The following SLC7A14 variants were observed in gnomAD, a reference collection of about 807,000 sequenced individuals.
SLC7A14 encodes solute carrier family 7 member 14.
SLC7A14 carries 37 observed loss-of-function variants against 60.2 expected under a neutral mutation model. The ratio of observed to expected loss-of-function variants is 0.61; its 90% confidence interval spans 0.47 to 0.81. The LOEUF (loss-of-function observed/expected upper bound fraction) is 0.81, where lower values mean the gene tolerates loss of function less well. SLC7A14 is among the 30% of genes least tolerant of loss of function. The probability of loss-of-function intolerance (pLI) is 0.00; values close to 1 mark genes in which losing one functional copy is unlikely to be tolerated. For missense variants in SLC7A14, 886 were observed against 982.7 expected (o/e 0.90, Z 1.32); for synonymous variants, 399 against 395.8 (o/e 1.01, Z -0.10).
chr3:170,468,014 C>G (rs1165705482), intron 7 of SLC7A14, among the ~76,000 whole-genome samples: 2 of 152,306 alleles, frequency 1.3e-5, no homozygotes, highest in Non-Finnish European at 2.9e-5. Flanking sequence ...CTCAGAGTGT[C>G]TAGTGCATGC....
chr3:170,581,838 T>C (rs560612456), intron 1 of SLC7A14, among the ~76,000 whole-genome samples: 2 of 152,332 alleles, frequency 1.3e-5, no homozygotes, highest in Non-Finnish European at 2.9e-5. Context: ...GGCCTCATAA[T>C]GTCACCAAGT....
At chr3:170,539,144 C>A (rs1234781978) in intron 1 of SLC7A14, among the ~76,000 whole-genome samples, 3 of 126,284 alleles carry the variant, frequency 2.4e-5, no homozygotes, top group African/African-American at 1.0e-4. Context: ...ATGTCTACTT[C>A]ATCTCCGAGT....
chr3:170,471,682 C>T (rs1739914414), intron 7 of SLC7A14, among the ~76,000 whole-genome samples: 1 of 152,150 alleles, frequency 6.6e-6, no homozygotes, highest in Admixed American at 6.5e-5. Context: ...GGAACGGCAT[C>T]ATATACTTTT....
At chr3:170,524,151 T>A (rs974975527) in intron 2 of SLC7A14, among the ~76,000 whole-genome samples, 3 of 152,182 alleles carry the variant, frequency 2.0e-5, no homozygotes, top group African/African-American at 7.2e-5. Flanking sequence ...GGTGGCCTAG[T>A]GATGTGCTGG....
Position 170,534,892 on chromosome 3 carries a change from G to A in SLC7A14, c.-152-7804C>T, listed in dbSNP as rs540581728. ...CTGTTTGTCAACACTCCAGAGTTGC[G>A]AATACTCTCTGTGTATATATTTGTT... On this transcript the variant is annotated intron_variant, in intron 1 of 7. Transcript: ENST00000231706. 2.6e-3 allele frequency among the ~76,000 whole-genome samples: 394 copies of A among 152,240 alleles called. 4 individuals are homozygous for A. Among genetic ancestry groups the A allele is most frequent in the Middle Eastern group, 0.01 (3 of 294 alleles).
chr3:170,561,821 A>T (rs1444475488), intron 1 of SLC7A14, among the ~76,000 whole-genome samples: 1 of 152,198 alleles, frequency 6.6e-6, no homozygotes, highest in Non-Finnish European at 1.5e-5. Context: ...CCCTTCAAAA[A>T]GTGGACTAAG....
At chr3:170,524,897 G>A (rs1713444386) in intron 2 of SLC7A14, among the ~76,000 whole-genome samples, 1 of 152,174 alleles carries the variant, frequency 6.6e-6, no homozygotes, top group South Asian at 2.1e-4. Flanking sequence ...CATGACAGGA[G>A]GTTAATAAAC....
intron 3 of SLC7A14, among the ~76,000 whole-genome samples, chr3:170,499,898 C>A (rs943738365): frequency 2.0e-5 from 3 of 152,166 alleles, no homozygotes; most frequent in African/African-American, 7.2e-5. Flanking sequence ...CATGAATGGC[C>A]TGATTTTGGA....
intron 2 of SLC7A14, among the ~76,000 whole-genome samples, chr3:170,505,816 A>C (rs994327566): frequency 1.3e-5 from 2 of 152,114 alleles, no homozygotes; most frequent in South Asian, 4.2e-4. Context: ...GCAACCTGGG[A>C]GGTGGAGGTT....
At chr3:170,497,107 A>AAAAAAG (rs1712429956) in intron 4 of SLC7A14, among the ~76,000 whole-genome samples, 1 of 142,782 alleles carries the variant, frequency 7.0e-6, no homozygotes, top group African/African-American at 2.8e-5. Flanking sequence ...AAAAAAAAAA[A>AAAAAAG]AAAGAAAGAA....
intron 1 of SLC7A14, among the ~76,000 whole-genome samples, chr3:170,536,033 C>G (rs1713825793): frequency 1.3e-5 from 2 of 152,264 alleles, no homozygotes; most frequent in African/African-American, 4.8e-5. Flanking sequence ...TACAGAGATA[C>G]TGGGTTTGAA....
rs143863452 is a variant in SLC7A14, at chr3:170,480,771, T to C, written c.1511A>G (p.Tyr504Cys). The C allele has an allele frequency of 1.2e-6, 2 of 1,614,216 alleles. No homozygotes were observed. Among genetic ancestry groups the C allele is most frequent in the Middle Eastern group, 1.6e-4 (1 of 6,062 alleles). The change falls in exon 7 of 8, where the codon TAC (tyrosine) becomes TGC (cysteine). Residue 504 changes from tyrosine (Y) to cysteine (C), a missense_variant. Transcript: ENST00000231706. ...GCCGTAATTGGGGTGGTTGACGTTG[T>C]AGGTTGACTTGTCTGATTTCCCTAT... ...MLIGKSDKST[Y>C]NVNHPNYGTV...
chr3:170,582,109 G>A (rs927490084), intron 1 of SLC7A14, among the ~76,000 whole-genome samples: 3 of 152,174 alleles, frequency 2.0e-5, no homozygotes, highest in African/African-American at 4.8e-5. Context: ...AGCTCCTTAA[G>A]TAAGACATGC....
chr3:170,526,766 G>A lies in SLC7A14; in HGVS notation c.171C>T (p.Asp57=), dbSNP rs757283981. ...AGCTGCCAACGCCAAGAGAGATGAGGTCCACTGTGGTGAGTACCTGGGCTA... is the reference window on the plus strand; with the variant it reads ...AGCTGCCAACGCCAAGAGAGATGAGATCCACTGTGGTGAGTACCTGGGCTA... ...TKLAQVLTTV[D]LISLGVGSCV... Residue 57 remains aspartate (D), a synonymous_variant, in exon 2 of 8, where the codon GAC becomes GAT. Transcript: ENST00000231706. The A allele has an allele frequency of 2.5e-6, 4 of 1,614,238 alleles. No homozygotes were observed. In the Admixed American group the frequency reaches 6.7e-5, roughly 27 times the overall value.
chr3:170,478,720 G>T (rs1029796310), intron 7 of SLC7A14, among the ~76,000 whole-genome samples: 4 of 152,064 alleles, frequency 2.6e-5, no homozygotes, highest in African/African-American at 9.7e-5. Flanking sequence ...AATAATTTAA[G>T]AAGTATTTTT....
In SLC7A14 at chr3:170,467,175, T is replaced by C. The variant is rs573955046; in HGVS notation, c.2196A>G (p.Gln732=). 3 of 1,614,210 alleles carry C rather than the reference T, an allele frequency of 1.9e-6. No homozygotes were observed. The highest frequency in any genetic ancestry group is 1.3e-5 in the African/African-American group (1 of 75,060). ...CGTTTGCCTTCGCATCTGACATCTGTTGGTAATAGAAGCCTTTGTCTTCAG... is the reference window on the plus strand; with the variant it reads ...CGTTTGCCTTCGCATCTGACATCTGCTGGTAATAGAAGCCTTTGTCTTCAG... The part of the protein sequence containing the change: ...GPTEDKGFYY[Q]QMSDAKANGR... The change falls in exon 8 of 8, where the codon CAA becomes CAG. Residue 732 remains glutamine (Q), a synonymous_variant. Coordinates refer to ENST00000231706, the MANE Select transcript of SLC7A14 (RefSeq NM_020949.3).
At chr3:170,519,142 A>C (rs1244566845) in intron 2 of SLC7A14, among the ~76,000 whole-genome samples, 3 of 152,204 alleles carry the variant, frequency 2.0e-5, no homozygotes, top group Admixed American at 2.0e-4. Flanking sequence ...AGAATAGTGA[A>C]GTGGAAGGTC....
intron 7 of SLC7A14, among the ~76,000 whole-genome samples, chr3:170,470,641 A>G (rs991815445): frequency 6.1e-5 from 9 of 148,362 alleles, no homozygotes; most frequent in African/African-American, 2.0e-4. Flanking sequence ...CCTTGAGTCA[A>G]TTCAGGAAAA....
rs973250284 is a variant in SLC7A14 at position 170,532,877 on chromosome 3, A to G, written c.-152-5789T>C. ...AAGGGATTCTTATTTACCTTTCTCA[A>G]ACTTGTGGAGAACGGCTTTCCTCTT... On this transcript the variant is annotated intron_variant, in intron 1 of 7. Transcript: ENST00000231706. The surrounding 1 kb of genome is among the most constrained non-coding windows in gnomAD (Gnocchi z 4.0). 6.6e-6 allele frequency among the ~76,000 whole-genome samples: 1 copy of G among 151,924 alleles called. No homozygotes were observed. Among genetic ancestry groups the G allele is most frequent in the Non-Finnish European group, 1.5e-5 (1 of 67,980 alleles).
Sources: allele counts gnomAD v4.1 joint callset (sites outside exome capture counted in the v4.1 genomes callset), GRCh38; gene constraint gnomAD v4.1.1; non-coding constraint Gnocchi (gnomAD v3.1); transcripts MANE v1.5; gene names NCBI Gene and HGNC (gene_info 2026-07-23, HGNC 2026-07-21).